The following NFIB variants were observed in gnomAD, a reference collection of about 807,000 sequenced individuals.
The protein encoded by NFIB is nuclear factor I B.
In NFIB, 11 loss-of-function variants were observed where a neutral mutation model predicts 61.5. That is an observed-to-expected ratio of 0.18 (90% CI 0.11 to 0.30). The LOEUF is 0.30. Ranked by LOEUF, NFIB falls within the 10% of genes least tolerant of loss-of-function variation. The pLI, the probability that NFIB is intolerant of heterozygous loss-of-function variation, is 1.00. For synonymous variants in NFIB, 260 were observed against 216.5 expected, an observed-to-expected ratio of 1.20 and a Z score of -1.76; for missense variants, 471 against 608.9, an observed-to-expected ratio of 0.77 and a Z score of 2.38.
chr9:14,359,120 A>G (rs905550988), intron 1 of NFIB, among the ~76,000 whole-genome samples: 1 of 152,218 alleles, frequency 6.6e-6, no homozygotes, highest in Non-Finnish European at 1.5e-5. Flanking sequence ...AAATGCTACA[A>G]GATCAGGGTA....
the NFIB span, among the ~76,000 whole-genome samples, chr9:14,440,403 G>A: frequency 5.4e-4 from 82 of 152,068 alleles, 2 homozygotes; most frequent in African/African-American, 1.9e-3. Flanking sequence ...TTTTTTTTAT[G>A]GTTAGGTGTT....
rs2037619493 is a variant in NFIB at position 14,113,071 on chromosome 9, G to A, written c.1395C>T (p.Ala465=). 1 of 1,549,536 alleles carries A rather than the reference G, an allele frequency of 6.5e-7. No homozygotes were observed. ...ATCGATTGGCTTGAGATGTGCCTGA[G>A]GCTGTGTAGGCTGATTAAGGAAGAA... The part of the protein sequence containing the change: ...PITTSTEAYT[A]SGTSQANRYV... The change falls in exon 10 of 11, where the codon GCC becomes GCT. Residue 465 remains alanine, a synonymous_variant. Transcript: ENST00000380953.
At chr9:14,135,584 C>T (rs1383288958) in intron 6 of NFIB, among the ~76,000 whole-genome samples, 1 of 152,112 alleles carries the variant, frequency 6.6e-6, no homozygotes, top group East Asian at 1.9e-4. Flanking sequence ...TATGACAAGA[C>T]ATATGGATGT....
upstream of NFIB, among the ~76,000 whole-genome samples, chr9:14,403,375 G>A (rs536991930): frequency 6.6e-6 from 1 of 152,326 alleles, no homozygotes; most frequent in African/African-American, 2.4e-5. Flanking sequence ...GTTTTAGGGT[G>A]TAATAGAAGA....
At chr9:14,112,918 G>GAGGCAACA in intron 10 of NFIB, 81 bp downstream of exon 10, 1 of 1,365,522 alleles carries the variant, frequency 7.3e-7, no homozygotes, top group Non-Finnish European at 1.0e-6. Context: ...CCCCTTCTGA[G>GAGGCAACA]TCCGGATCTG....
At chr9:14,141,911 A>AAC in intron 6 of NFIB, among the ~76,000 whole-genome samples, 1 of 131,512 alleles carries the variant, frequency 7.6e-6, no homozygotes, top group Non-Finnish European at 1.6e-5. Context: ...ACAAAAAAAA[A>AAC]AAAAAAAAAA....
chr9:14,122,771 T>C (rs150384458), intron 7 of NFIB, among the ~76,000 whole-genome samples: 33 of 152,250 alleles, frequency 2.2e-4, no homozygotes, highest in African/African-American at 7.7e-4. Flanking sequence ...CCTTAATAGT[T>C]CTGGAGGAGA....
intron 1 of NFIB, among the ~76,000 whole-genome samples, chr9:14,309,596 G>C (rs2060190171): frequency 6.6e-6 from 1 of 152,206 alleles, no homozygotes; most frequent in African/African-American, 2.4e-5. Flanking sequence ...ACCACAATCT[G>C]TTCTTTGTGT....
intron 2 of NFIB, among the ~76,000 whole-genome samples, chr9:14,287,318 C>G (rs2058774621): frequency 6.8e-6 from 1 of 147,958 alleles, no homozygotes; most frequent in Non-Finnish European, 1.5e-5. Flanking sequence ...GTAGTCCCAG[C>G]TACTAGGGAG....
the NFIB span, among the ~76,000 whole-genome samples, chr9:14,415,805 G>A: frequency 3.9e-5 from 6 of 152,116 alleles, no homozygotes; most frequent in Non-Finnish European, 8.8e-5. Context: ...CTTTGGGGAA[G>A]GTAATCAAAG....
chr9:14,333,249 T>C (rs2060843275), intron 1 of NFIB, among the ~76,000 whole-genome samples: 1 of 152,220 alleles, frequency 6.6e-6, no homozygotes, highest in Admixed American at 6.5e-5. Context: ...TAATCTTGTC[T>C]CTTGTTTTAC....
chr9:14,516,879 G>C, the NFIB span, among the ~76,000 whole-genome samples: 1 of 152,184 alleles, frequency 6.6e-6, no homozygotes, highest in Admixed American at 6.5e-5. Flanking sequence ...AATCTGCATG[G>C]TGTTGTCTGA....
the NFIB span, among the ~76,000 whole-genome samples, chr9:14,421,084 CAAAA>C: frequency 7.4e-6 from 1 of 135,822 alleles, no homozygotes; most frequent in African/African-American, 2.8e-5. Context: ...GGATCTTTGG[CAAAA>C]AAAAAAAAAA....
chr9:14,433,439 A>C, the NFIB span, among the ~76,000 whole-genome samples: 5 of 152,308 alleles, frequency 3.3e-5, no homozygotes, highest in African/African-American at 9.6e-5. Flanking sequence ...CAGCCAGTTC[A>C]TATCATAGAA....
the NFIB span, among the ~76,000 whole-genome samples, chr9:14,497,746 G>C: frequency 6.6e-6 from 1 of 152,224 alleles, no homozygotes; most frequent in Non-Finnish European, 1.5e-5. Context: ...TCTGGCCACA[G>C]AGGTGGGTAT....
At chr9:14,321,886 G>A (rs991822658) in intron 1 of NFIB, 6 of 1,231,570 alleles carry the variant, frequency 4.9e-6, no homozygotes, top group Non-Finnish European at 6.1e-6. Flanking sequence ...ATAGGAGGGG[G>A]TGCAAAGAAC....
At chr9:14,368,889 G>C (rs1034684299) in intron 1 of NFIB, among the ~76,000 whole-genome samples, 5 of 152,150 alleles carry the variant, frequency 3.3e-5, no homozygotes, top group African/African-American at 1.2e-4. Context: ...CCTGAGCTCA[G>C]TTTTCCCAAC....
At chr9:14,473,748 T>C in the NFIB span, among the ~76,000 whole-genome samples, 1 of 152,260 alleles carries the variant, frequency 6.6e-6, no homozygotes, top group African/African-American at 2.4e-5. Flanking sequence ...ACAAATGCAC[T>C]TGCCTTTAAT....
intron 3 of NFIB, among the ~76,000 whole-genome samples, chr9:14,163,790 C>T (rs1405700143): frequency 6.6e-6 from 1 of 151,776 alleles, no homozygotes; most frequent in Non-Finnish European, 1.5e-5. Context: ...CTAAAAACAT[C>T]GATCATGTTT....
Sources: gnomAD v4.1 joint callset for allele counts (sites outside exome capture counted in the v4.1 genomes callset) on GRCh38, gnomAD v4.1.1 for gene constraint, MANE v1.5 for transcripts, NCBI Gene and HGNC (gene_info 2026-07-23, HGNC 2026-07-21) for gene names.